LRRC8A: variants seen among roughly 807,000 people sequenced by gnomAD.
The protein encoded by LRRC8A is volume-regulated anion channel subunit LRRC8A.
Under a neutral mutation model 52.5 loss-of-function variants are expected in LRRC8A, and 24 were observed. The observed-to-expected ratio is 0.46, with a 90% CI of 0.33 to 0.64. The LOEUF is 0.64. LRRC8A is among the 30% of genes least tolerant of loss of function. The pLI is 0.02. For missense variants in LRRC8A, 677 were observed against 1,094.7 expected (o/e 0.62, Z 5.38); for synonymous variants, 492 against 494.2 (o/e 1.00, Z 0.06).
At chr9:128,906,487 T>C (rs952107399) in intron 2 of LRRC8A, among the ~76,000 whole-genome samples, 5 of 152,060 alleles carry the variant, frequency 3.3e-5, no homozygotes, top group Non-Finnish European at 7.4e-5. Flanking sequence ...TACGCCAGGC[T>C]AATTTTTGTA....
intron 2 of LRRC8A, among the ~76,000 whole-genome samples, chr9:128,897,509 G>T (rs112376837): frequency 6.6e-6 from 1 of 151,860 alleles, no homozygotes; most frequent in East Asian, 1.9e-4. Flanking sequence ...CACACGGCCT[G>T]TCTTAGCTAT....
rs1245785010 is a variant in LRRC8A at position 128,902,322 on chromosome 9, T to G, written c.-8-4835T>G. The stretch of plus-strand genomic sequence containing the variant: ...CCTGATTGGGACGGTGTTTCCTGCC[T>G]TGGGCAGGTGGTTTTGCCTCTGTGA... On this transcript the variant is annotated intron_variant, in intron 2 of 3. Coordinates refer to ENST00000372600, the MANE Select transcript of LRRC8A (RefSeq NM_019594.4). The surrounding 1 kb of genome is among the most constrained non-coding windows in gnomAD (Gnocchi z 4.1). Among the ~76,000 whole-genome samples, 2 of 152,098 alleles carry G rather than the reference T, an allele frequency of 1.3e-5. No individual in the cohort carries two copies. Among genetic ancestry groups the G allele is most frequent in the Non-Finnish European group, 2.9e-5 (2 of 68,016 alleles).
Position 128,911,647 on chromosome 9 carries a change from C to T in LRRC8A, c.2157+2326C>T, listed in dbSNP as rs1015020838. Among the ~76,000 whole-genome samples the T allele has an allele frequency of 2.6e-5, 4 of 152,124 alleles. No homozygotes were observed. Among genetic ancestry groups the T allele is most frequent in the African/African-American group, 7.2e-5 (3 of 41,408 alleles). ...CAGCCTGGCTCCCCATCCTGTCCCC[C>T]ACCCCCAGCTCCTCCCGCCAAGCTT... On this transcript the variant is annotated intron_variant, in intron 3 of 3. Transcript: ENST00000372600. This position sits in a 1 kb window ranked among gnomAD's most constrained non-coding sequence, Gnocchi z 4.9.
chr9:128,916,365 G>T lies in LRRC8A; in HGVS notation c.2427G>T (p.Gln809His). 1 of 1,609,034 alleles carries T rather than the reference G, an allele frequency of 6.2e-7. No individual in the cohort carries two copies. Among genetic ancestry groups the T allele is most frequent in the Non-Finnish European group, 8.5e-7 (1 of 1,178,054 alleles). ...GGCTGTGGAGGGCTGACAAGGAGCAGGCCTGAGCGAGGCCGGCCCAGCACA... is the reference window on the plus strand; with the variant it reads ...GGCTGTGGAGGGCTGACAAGGAGCATGCCTGAGCGAGGCCGGCCCAGCACA... ...KERLWRADKE[Q>H]A is the part of the protein sequence containing the mutation. The change falls in exon 4 of 4, where the codon CAG becomes CAT. Residue 809 changes from glutamine (Q) to histidine (H), a missense_variant. Physicochemically the swap from Gln to His is conservative, Grantham distance 24 (BLOSUM62 0). Around this residue, in one of 4 missense-constraint regions of LRRC8A, gnomAD observed 169 missense variants for 217.6 expected, o/e 0.78. Transcript: ENST00000372600. This position sits in a 1 kb window ranked among gnomAD's most constrained non-coding sequence, Gnocchi z 6.1.
intron 2 of LRRC8A, among the ~76,000 whole-genome samples, chr9:128,888,320 G>C (rs924635728): frequency 1.3e-5 from 2 of 152,082 alleles, no homozygotes; most frequent in African/African-American, 2.4e-5. Flanking sequence ...GGAATGAACC[G>C]CATGGGCCGG....
rs752258986 is a variant in LRRC8A, at chr9:128,911,984, C to T, written c.2157+2663C>T. ...GGGGTGGGCGTGGCCTGCCCACGCC[C>T]TTGCGTGCTGTTTCTCCAGATTTAT... On this transcript the variant is annotated intron_variant, in intron 3 of 3. Transcript: ENST00000372600. This position sits in a 1 kb window ranked among gnomAD's most constrained non-coding sequence, Gnocchi z 4.9. Among the ~76,000 whole-genome samples, 1 of 152,264 alleles carries T rather than the reference C, an allele frequency of 6.6e-6. No homozygotes were observed. Among genetic ancestry groups the T allele is most frequent in the African/African-American group, 2.4e-5 (1 of 41,474 alleles).
chr9:128,916,662 G>T lies in LRRC8A; in HGVS notation c.*291G>T, dbSNP rs1840835515. 2.7e-6 allele frequency: 1 copy of T among 364,116 alleles called. No homozygotes were observed. Among genetic ancestry groups the T allele is most frequent in the Admixed American group, 4.1e-5 (1 of 24,382 alleles). 22.6% of individuals were successfully genotyped at this position (364,116 alleles called of 1,614,324 possible). On this transcript the variant is annotated 3_prime_UTR_variant, in exon 4 of 4. Transcript: ENST00000372600. This position sits in a 1 kb window ranked among gnomAD's most constrained non-coding sequence, Gnocchi z 6.1. ...GGTCTCCTCCCTGGAGGCCAGCTCT[G>T]CCCCAGGGGCTGAGCTGCCACCAGA...
In LRRC8A at chr9:128,892,621, G is replaced by A. The variant is rs1839667734; in HGVS notation, c.-9+6500G>A. On this transcript the variant is annotated intron_variant, in intron 2 of 3. Transcript: ENST00000372600. This position sits in a 1 kb window ranked among gnomAD's most constrained non-coding sequence, Gnocchi z 5.2. ...CCCAGCTGGGTGTGGGGGCCTCCAG[G>A]GCAGTGTCCGCCCTGGGGAGGGTGG... Among the ~76,000 whole-genome samples, 1 of 152,208 alleles carries A rather than the reference G, an allele frequency of 6.6e-6. No homozygotes were observed. The highest frequency in any genetic ancestry group is 6.5e-5 in the Admixed American group (1 of 15,286).
chr9:128,908,435 C>T lies in LRRC8A; in HGVS notation c.1271C>T (p.Ala424Val), dbSNP rs754072305. The change falls in exon 3 of 4, where the codon GCG becomes GTG. Residue 424 changes from alanine to valine, a missense_variant. Physicochemically the swap from Ala to Val is moderately conservative, Grantham distance 64. Coordinates refer to ENST00000372600, the MANE Select transcript of LRRC8A (RefSeq NM_019594.4). Reference protein sequence around the residue: ...DKLRQRLTKNAQDKLELHLFM... With the variant: ...DKLRQRLTKNVQDKLELHLFM... ...CTCCGGCAGCGGCTCACCAAGAACG[C>T]GCAGGACAAGCTGGAGCTGCACCTG... The T allele has an allele frequency of 9.9e-6, 16 of 1,613,486 alleles. No homozygotes were observed. Among genetic ancestry groups the T allele is most frequent in the Non-Finnish European group, 1.3e-5 (15 of 1,180,036 alleles).
At chr9:128,910,468 C>T (rs1214878365) in intron 3 of LRRC8A, among the ~76,000 whole-genome samples, 2 of 152,142 alleles carry the variant, frequency 1.3e-5, no homozygotes, top group South Asian at 2.1e-4. Flanking sequence ...CAAGGTGGGG[C>T]GGTCACTTGA....
intron 2 of LRRC8A, among the ~76,000 whole-genome samples, chr9:128,891,126 G>A (rs1839600632): frequency 6.6e-6 from 1 of 152,040 alleles, no homozygotes; most frequent in African/African-American, 2.4e-5. Context: ...ACAAAAATCA[G>A]CCGGGTATGG....
At chr9:128,886,596 G>A (rs1839406610) in intron 2 of LRRC8A, among the ~76,000 whole-genome samples, 1 of 152,174 alleles carries the variant, frequency 6.6e-6, no homozygotes, top group Admixed American at 6.5e-5. Flanking sequence ...GGGAGCTAGC[G>A]ACTCGTGTTT....
At position 128,890,563 on chromosome 9, in the gene LRRC8A, C is replaced by G. The variant is rs75206597; in HGVS notation, c.-9+4442C>G. 2.0e-5 allele frequency among the ~76,000 whole-genome samples: 3 copies of G among 152,252 alleles called. No homozygotes were observed. In the East Asian group the frequency reaches 5.8e-4, roughly 30 times the overall value. On this transcript the variant is annotated intron_variant, in intron 2 of 3. Transcript: ENST00000372600. ...GAATCCTGGCCCTGAAGGGACACCT[C>G]GCATCTCCCAGCTGACTCCATGAGT...
intron 3 of LRRC8A, among the ~76,000 whole-genome samples, chr9:128,912,564 C>T (rs1840603354): frequency 6.6e-6 from 1 of 151,876 alleles, no homozygotes; most frequent in Non-Finnish European, 1.5e-5. Context: ...ATTGTCTCTT[C>T]ATTTGTTTAA....
Position 128,908,545 on chromosome 9 carries a change from A to G in LRRC8A, c.1381A>G (p.Ile461Val). ...LKLELIPDVT[I>V]PPSIAQLTGL... ...GCTGGAGCTGATCCCCGACGTGACC[A>G]TCCCGCCCAGCATTGCCCAGCTCAC... The change falls in exon 3 of 4, where the codon ATC (isoleucine) becomes GTC (valine). Residue 461 changes from isoleucine to valine, a missense_variant. By Grantham distance (29) the Ile-to-Val change is conservative (BLOSUM62 3). Coordinates refer to ENST00000372600, the MANE Select transcript of LRRC8A (RefSeq NM_019594.4). 6.2e-7 allele frequency: 1 copy of G among 1,612,782 alleles called. No homozygotes were observed. The highest frequency in any genetic ancestry group is 8.5e-7 in the Non-Finnish European group (1 of 1,179,982).
chr9:128,885,804 G>A (rs1839371706), intron 1 of LRRC8A, among the ~76,000 whole-genome samples: 1 of 152,166 alleles, frequency 6.6e-6, no homozygotes, highest in Non-Finnish European at 1.5e-5. Context: ...ATCTACTCGA[G>A]AGGCTGAGGC....
chr9:128,916,061 C>T lies in LRRC8A; in HGVS notation c.2158-35C>T. The T allele has an allele frequency of 6.4e-7, 1 of 1,571,082 alleles. No homozygotes were observed. Among genetic ancestry groups the T allele is most frequent in the South Asian group, 1.2e-5 (1 of 84,578 alleles). On this transcript the variant is annotated intron_variant, in intron 3 of 3. Transcript: ENST00000372600. The surrounding 1 kb of genome is among the most constrained non-coding windows in gnomAD (Gnocchi z 6.1). ...CCAGAGGCCCCGTCCAAGCCCACAC[C>T]CACCTCACTCTCACCCCTGCTTTTT...
rs201296136 is a variant in LRRC8A at position 128,907,716 on chromosome 9, G to A, written c.552G>A (p.Lys184=). 271 of 1,613,476 alleles carry A rather than the reference G, an allele frequency of 1.7e-4. No homozygotes were observed. Among genetic ancestry groups the A allele is most frequent in the Non-Finnish European group, 2.1e-4 (242 of 1,179,820 alleles). The change falls in exon 3 of 4, where the codon AAG becomes AAA. Residue 184 remains lysine (K), a synonymous_variant. Coordinates refer to ENST00000372600, the MANE Select transcript of LRRC8A (RefSeq NM_019594.4). The surrounding 1 kb of genome is among the most constrained non-coding windows in gnomAD (Gnocchi z 9.3). ...SETVVEESDP[K]PAFSKMNGSM... is the part of the protein sequence containing the mutation. ...CAGTGGTGGAGGAGAGCGACCCCAA[G>A]CCGGCCTTCAGCAAGATGAATGGGT...
chr9:128,914,098 G>A (rs547718901), intron 3 of LRRC8A, among the ~76,000 whole-genome samples: 7 of 152,204 alleles, frequency 4.6e-5, no homozygotes, highest in East Asian at 3.9e-4. Flanking sequence ...CCAGCTACTC[G>A]GGAGGCTAAG....
Sources: gnomAD v4.1 joint callset for allele counts (sites outside exome capture counted in the v4.1 genomes callset) on GRCh38, gnomAD v4.1.1 for gene constraint, gnomAD v4.1.1 regional missense constraint, Gnocchi (gnomAD v3.1) non-coding constraint, MANE v1.5 for transcripts, NCBI Gene and HGNC (gene_info 2026-07-23, HGNC 2026-07-21) for gene names.